PCDHGA9: variants seen among roughly 807,000 people sequenced by gnomAD.
The protein encoded by PCDHGA9 is protocadherin gamma-A9.
Under a neutral mutation model 62.5 loss-of-function variants are expected in PCDHGA9, and 37 were observed. That is an observed-to-expected ratio of 0.59 (90% CI 0.46 to 0.78). The LOEUF (loss-of-function observed/expected upper bound fraction) is 0.78, where lower values mean the gene tolerates loss of function less well. PCDHGA9 is among the 30% of genes least tolerant of loss of function. PCDHGA9 has a pLI of 0.00. For missense variants in PCDHGA9, 1,138 were observed against 1,166.2 expected (o/e 0.98, Z 0.35); for synonymous variants, 459 against 484.6 (o/e 0.95, Z 0.69).
At chr5:141,506,092 G>A (rs1595997534) in intron 3 of PCDHGA9, among the ~76,000 whole-genome samples, 1 of 152,142 alleles carries the variant, frequency 6.6e-6, no homozygotes, top group Admixed American at 6.6e-5. Flanking sequence ...TTCGGCTAGT[G>A]GTGGTTGTCC....
rs1032345173 is a variant in PCDHGA9 at position 141,468,852 on chromosome 5, C to T, written c.2425-25955C>T. Among the ~76,000 whole-genome samples the T allele has an allele frequency of 7.2e-5, 11 of 151,868 alleles. No individual in the cohort carries two copies. In the East Asian group the frequency reaches 9.7e-4, roughly 13 times the overall value. On this transcript the variant is annotated intron_variant, in intron 1 of 3. Transcript: ENST00000573521. ...CTGCACTCCAGCCTGGGCAACAGAG[C>T]GAGACTCCATCTCAAAAATAATAAT... is the stretch of plus-strand genomic sequence containing the variant.
Position 141,430,800 on chromosome 5 carries a change from T to C in PCDHGA9, c.2424+25424T>C, listed in dbSNP as rs770490590. 2.6e-6 allele frequency: 4 copies of C among 1,524,818 alleles called. No homozygotes were observed. In the South Asian group the frequency reaches 5.3e-5, roughly 20 times the overall value. 94.5% of individuals were successfully genotyped at this position (1,524,818 alleles called of 1,614,324 possible). A position where few individuals can be genotyped will look rare whatever the true frequency, so the allele number is the denominator to read the frequency against. ...CTGCACCGGGACTACAAAGGGCTTG[T>C]CCTGCTGGGAATCCTCCTGGGGACT... is the stretch of plus-strand genomic sequence containing the variant. On this transcript the variant is annotated intron_variant, in intron 1 of 3. Transcript: ENST00000573521.
chr5:141,408,475 C>A, intron 1 of PCDHGA9: 3 of 1,614,032 alleles, frequency 1.9e-6, no homozygotes, highest in Non-Finnish European at 1.7e-6. Flanking sequence ...ACCGAATAGA[C>A]CGTGAGCAAA....
intron 2 of PCDHGA9, among the ~76,000 whole-genome samples, chr5:141,496,769 C>T (rs1434587849): frequency 2.0e-5 from 3 of 152,064 alleles, no homozygotes; most frequent in African/African-American, 7.3e-5. Flanking sequence ...CGAGCATCTA[C>T]TATGAGCAGG....
chr5:141,478,092 C>T (rs2099429960), intron 1 of PCDHGA9: 1 of 1,614,156 alleles, frequency 6.2e-7, no homozygotes, highest in Non-Finnish European at 8.5e-7. Flanking sequence ...CTCTCCACCA[C>T]TGCTACCCTC....
At chr5:141,498,971 G>GGGAGGGAAGGAAGGAA (rs2099787588) in intron 2 of PCDHGA9, among the ~76,000 whole-genome samples, 1 of 110,970 alleles carries the variant, frequency 9.0e-6, no homozygotes, top group African/African-American at 3.6e-5. Flanking sequence ...GAGGGAGGGA[G>GGGAGGGAAGGAAGGAA]GGAAGGAAGG....
chr5:141,476,986 C>A lies in PCDHGA9; in HGVS notation c.2425-17821C>A. ...CCTTCGGCAGCCACAACCGCGCCGG[C>A]GTGCGGCAACTATTCGCCTTAGACC... On this transcript the variant is annotated intron_variant, in intron 1 of 3. Transcript: ENST00000573521. The surrounding 1 kb of genome is among the most constrained non-coding windows in gnomAD (Gnocchi z 7.6). 6.2e-7 allele frequency: 1 copy of A among 1,614,218 alleles called. No individual in the cohort carries two copies. The highest frequency in any genetic ancestry group is 8.5e-7 in the Non-Finnish European group (1 of 1,180,042).
chr5:141,453,099 C>CT (rs568622146), intron 1 of PCDHGA9, among the ~76,000 whole-genome samples: 1 of 151,962 alleles, frequency 6.6e-6, no homozygotes, highest in East Asian at 1.9e-4. Flanking sequence ...TTTTCTGTTG[C>CT]TTTTTTGTTT....
At chr5:141,441,703 A>C (rs1329703451) in intron 1 of PCDHGA9, 2 of 312,092 alleles carry the variant, frequency 6.4e-6, no homozygotes, top group Non-Finnish European at 1.3e-5. Context: ...CGAGCCTTCA[A>C]GCTCACGCTG....
At chr5:141,413,219 G>C in intron 1 of PCDHGA9, 1 of 1,613,506 alleles carries the variant, frequency 6.2e-7, no homozygotes, top group Non-Finnish European at 8.5e-7. Context: ...AAGGATTGCA[G>C]CGGGCTGGTC....
chr5:141,451,001 A>T (rs909477017), intron 1 of PCDHGA9, among the ~76,000 whole-genome samples: 2 of 148,266 alleles, frequency 1.3e-5, no homozygotes, highest in Middle Eastern at 3.4e-3. Context: ...ATTTTTTTGT[A>T]TTTTTTTTAG....
chr5:141,427,768 A>C (rs1003238906), intron 1 of PCDHGA9: 4 of 1,393,994 alleles, frequency 2.9e-6, no homozygotes, highest in Non-Finnish European at 4.0e-6. Context: ...ACTGACTTGG[A>C]GCTGCGGGCA....
In PCDHGA9 at chr5:141,404,627, G is replaced by GC. The variant is rs2094548617; in HGVS notation, c.1679dup (p.Glu561ArgfsTer10). 1 of 1,614,026 alleles carries GC rather than the reference G, an allele frequency of 6.2e-7. No homozygotes were observed. Among genetic ancestry groups the GC allele is most frequent in the Non-Finnish European group, 8.5e-7 (1 of 1,180,010 alleles). On this transcript the variant is annotated frameshift_variant, in exon 1 of 4. Transcript: ENST00000573521. LOFTEE classifies it high-confidence loss of function. ...GTTTGTTTTGGACCAGAATGACAAT[G>GC]CCCCAGAAATCCTGTACCCTGCCCT... is the stretch of plus-strand genomic sequence containing the variant.
At chr5:141,457,715 CA>C (rs2098928510) in intron 1 of PCDHGA9, among the ~76,000 whole-genome samples, 2 of 152,212 alleles carry the variant, frequency 1.3e-5, no homozygotes, top group Non-Finnish European at 2.9e-5. Flanking sequence ...CACTGTTCCA[CA>C]AGGAATTTCA....
Position 141,512,160 on chromosome 5 carries a change from G to A in PCDHGA9, c.*987G>A, listed in dbSNP as rs1227447365. On this transcript the variant is annotated 3_prime_UTR_variant, in exon 4 of 4. Coordinates refer to ENST00000573521, the MANE Select transcript of PCDHGA9 (RefSeq NM_018921.3). ...CAGCCAGCTTTGGGCTGAGCTAACA[G>A]GACCAATGGATTAAACTGGCATTTC... 1 of 152,730 alleles carries A rather than the reference G, an allele frequency of 6.5e-6. No individual in the cohort carries two copies. Among genetic ancestry groups the A allele is most frequent in the African/African-American group, 2.4e-5 (1 of 41,456 alleles). The allele number at this position is 152,730 out of a possible 1,614,324, so 9.5% of individuals were successfully genotyped here.
rs1451071413 is a variant in PCDHGA9, at chr5:141,415,742, T to G, written c.2424+10366T>G. 19 of 216,608 alleles carry G rather than the reference T, an allele frequency of 8.8e-5. 1 individual carries two copies. In the Admixed American group the frequency reaches 4.5e-3, roughly 51 times the overall value. 13.4% of individuals were successfully genotyped at this position (216,608 alleles called of 1,614,324 possible). ...AGTAGAATTTGATGTTTATTAAGGT[T>G]TTTTTTTTTTTTTTTTTTTTTTTTT... On this transcript the variant is annotated intron_variant, in intron 1 of 3. Transcript: ENST00000573521.
chr5:141,489,339 C>T lies in PCDHGA9; in HGVS notation c.2425-5468C>T. 6.2e-7 allele frequency: 1 copy of T among 1,608,828 alleles called. No individual in the cohort carries two copies. On this transcript the variant is annotated intron_variant, in intron 1 of 3. Transcript: ENST00000573521. The surrounding 1 kb of genome is among the most constrained non-coding windows in gnomAD (Gnocchi z 4.5). ...GCTGGGTGTCTGGGCAGCTTCGTTA[C>T]TCAGTGGTGGAGGAGTCTGAGCCGG...
intron 1 of PCDHGA9, chr5:141,426,860 A>T (rs771106873): frequency 2.6e-5 from 12 of 456,702 alleles, no homozygotes; most frequent in Admixed American, 2.3e-4. Flanking sequence ...CTCCAGAATT[A>T]GTGCTGGAGA....
Position 141,431,435 on chromosome 5 carries a change from G to T in PCDHGA9, c.2424+26059G>T. On this transcript the variant is annotated intron_variant, in intron 1 of 3. Coordinates refer to ENST00000573521, the MANE Select transcript of PCDHGA9 (RefSeq NM_018921.3). This position sits in a 1 kb window ranked among gnomAD's most constrained non-coding sequence, Gnocchi z 4.8. The stretch of plus-strand genomic sequence containing the variant: ...GGGCGACCCGGTGCGCACAGGCACC[G>T]CGCGCATCCGCGTGATGGTTCTGGA... The T allele has an allele frequency of 6.2e-7, 1 of 1,613,668 alleles. No individual in the cohort carries two copies. Among genetic ancestry groups the T allele is most frequent in the Non-Finnish European group, 8.5e-7 (1 of 1,180,026 alleles).
Sources: allele counts gnomAD v4.1 joint callset (sites outside exome capture counted in the v4.1 genomes callset), GRCh38; gene constraint gnomAD v4.1.1; non-coding constraint Gnocchi (gnomAD v3.1); transcripts MANE v1.5; gene names NCBI Gene and HGNC (gene_info 2026-07-23, HGNC 2026-07-21).